MGAT5: variants seen among roughly 807,000 people sequenced by gnomAD.
MGAT5 encodes alpha-1,6-mannosylglycoprotein 6-beta-N-acetylglucosaminyltransferase.
MGAT5 carries 30 observed loss-of-function variants against 94.3 expected under a neutral mutation model. That is an observed-to-expected ratio of 0.32 (90% confidence interval 0.24 to 0.43). The LOEUF is 0.43. Among genes scored for constraint, MGAT5 ranks in the 20% least tolerant of loss-of-function variants. The probability of loss-of-function intolerance (pLI) is 1.00; values close to 1 mark genes in which losing one functional copy is unlikely to be tolerated. For synonymous variants in MGAT5, 310 were observed against 322.9 expected, an observed-to-expected ratio of 0.96 and a Z score of 0.43; for missense variants, 691 against 905.5, an observed-to-expected ratio of 0.76 and a Z score of 3.04.
At chr2:134,264,291 G>A (rs558686127) in intron 1 of MGAT5, among the ~76,000 whole-genome samples, 2 of 152,010 alleles carry the variant, frequency 1.3e-5, no homozygotes, top group Admixed American at 1.3e-4. Context: ...CAAAGTGCTG[G>A]GATTACAGGC....
intron 1 of MGAT5, among the ~76,000 whole-genome samples, chr2:134,132,836 C>T (rs1197864824): frequency 6.6e-6 from 1 of 152,232 alleles, no homozygotes; most frequent in Non-Finnish European, 1.5e-5. Flanking sequence ...GATGTGAAAA[C>T]TCACCCTTCT....
At chr2:134,446,132 G>A (rs552381306) in intron 15 of MGAT5, among the ~76,000 whole-genome samples, 2 of 152,172 alleles carry the variant, frequency 1.3e-5, no homozygotes, top group South Asian at 2.1e-4. Flanking sequence ...GCCTGGTGAA[G>A]CGTCTGCTGC....
chr2:134,405,155 C>A (rs1291762756), intron 11 of MGAT5, among the ~76,000 whole-genome samples: 1 of 152,202 alleles, frequency 6.6e-6, no homozygotes, highest in African/African-American at 2.4e-5. Context: ...TAGGCCAAAA[C>A]GGAGATCGCT....
intron 9 of MGAT5, among the ~76,000 whole-genome samples, chr2:134,352,200 A>G (rs550973814): frequency 6.6e-6 from 1 of 152,298 alleles, no homozygotes; most frequent in East Asian, 1.9e-4. Flanking sequence ...CCTCATATAT[A>G]TGAATCTATC....
chr2:134,120,786 G>A (rs1685535644), intron 1 of MGAT5, among the ~76,000 whole-genome samples: 1 of 151,950 alleles, frequency 6.6e-6, no homozygotes, highest in Non-Finnish European at 1.5e-5. Context: ...GGGCCAGTGG[G>A]GAGGAAGGAA....
intron 1 of MGAT5, among the ~76,000 whole-genome samples, chr2:134,246,030 T>C (rs1459376301): frequency 6.6e-6 from 1 of 152,148 alleles, no homozygotes; most frequent in African/African-American, 2.4e-5. Flanking sequence ...ACCCAGATAT[T>C]CAAAGAGTAT....
At chr2:134,277,414 GCACGTCTTA>G (rs1466618180) in intron 2 of MGAT5, among the ~76,000 whole-genome samples, 1 of 152,100 alleles carries the variant, frequency 6.6e-6, no homozygotes, top group African/African-American at 2.4e-5. Flanking sequence ...GGGAAGGAAG[GCACGTCTTA>G]CATGGCGACA....
At position 134,156,829 on chromosome 2, in the gene MGAT5, G is replaced by T. The variant is rs79859864; in HGVS notation, c.-143+36538G>T. ...CCCTGAGCAACTCCTCATCTCTCTTGTGTTATGGAGGGAGACGGTGGTGTG... is the reference window on the plus strand; with the variant it reads ...CCCTGAGCAACTCCTCATCTCTCTTTTGTTATGGAGGGAGACGGTGGTGTG... On this transcript the variant is annotated intron_variant, in intron 1 of 16. Transcript: ENST00000409645. Among the ~76,000 whole-genome samples, 61 of 152,278 alleles carry T rather than the reference G, an allele frequency of 4.0e-4. 1 individual carries two copies. In the East Asian group the frequency reaches 9.3e-3, roughly 23 times the overall value.
chr2:134,171,457 CT>C (rs1357015258), intron 1 of MGAT5, among the ~76,000 whole-genome samples: 4 of 152,182 alleles, frequency 2.6e-5, no homozygotes, highest in Non-Finnish European at 5.9e-5. Flanking sequence ...GAGGCTCTGT[CT>C]TTGCCAAGTG....
intron 10 of MGAT5, among the ~76,000 whole-genome samples, chr2:134,386,894 G>A (rs1297490501): frequency 6.6e-6 from 1 of 152,138 alleles, no homozygotes; most frequent in Non-Finnish European, 1.5e-5. Context: ...GGAAAAGTTG[G>A]AGTGAAGATT....
At chr2:134,224,253 G>C (rs12624285) in intron 1 of MGAT5, among the ~76,000 whole-genome samples, 1,552 of 152,264 alleles carry the variant, frequency 0.01, 21 homozygotes, top group East Asian at 0.033. Context: ...TGATCTGTGG[G>C]AAGTTTCCAG....
intron 11 of MGAT5, among the ~76,000 whole-genome samples, chr2:134,412,614 A>G (rs1253204273): frequency 6.6e-6 from 1 of 151,894 alleles, no homozygotes; most frequent in African/African-American, 2.4e-5. Context: ...TAGACACTTA[A>G]TTTTTTAGTT....
chr2:134,157,268 T>A (rs181516838), intron 1 of MGAT5, among the ~76,000 whole-genome samples: 43 of 152,298 alleles, frequency 2.8e-4, no homozygotes, highest in African/African-American at 8.9e-4. Flanking sequence ...TTGTAAGATG[T>A]TAACTTTAGG....
intron 10 of MGAT5, among the ~76,000 whole-genome samples, chr2:134,400,654 C>G (rs1682990245): frequency 6.6e-6 from 1 of 152,148 alleles, no homozygotes; most frequent in African/African-American, 2.4e-5. Flanking sequence ...TTCTCCAGGA[C>G]AGGAACCAAA....
chr2:134,439,811 C>T (rs1685380928), intron 14 of MGAT5, among the ~76,000 whole-genome samples: 1 of 152,218 alleles, frequency 6.6e-6, no homozygotes, highest in Non-Finnish European at 1.5e-5. Context: ...CACCCACCTC[C>T]ATGCCAAGGG....
chr2:134,369,727 T>TTTGTGTGTGTGTGTGTGTG (rs1553455659), intron 10 of MGAT5, among the ~76,000 whole-genome samples: 2 of 142,196 alleles, frequency 1.4e-5, no homozygotes, highest in African/African-American at 5.3e-5. Context: ...GGTTTTTACA[T>TTTGTGTGTGTGTGTGTGTG]TGTGTGTGTG....
rs1339526203 is a variant in MGAT5, at chr2:134,338,246, T to G, written c.646-13T>G. 6.4e-7 allele frequency: 1 copy of G among 1,570,882 alleles called. No individual in the cohort carries two copies. The highest frequency in any genetic ancestry group is 8.6e-7 in the Non-Finnish European group (1 of 1,157,918). ...TTTATCTTCTATTCATTTTATTAAATTTCTGTTGCTAGGCGGAAATTCGTA... is the reference window on the plus strand; with the variant it reads ...TTTATCTTCTATTCATTTTATTAAAGTTCTGTTGCTAGGCGGAAATTCGTA... On this transcript the variant is annotated splice_polypyrimidine_tract_variant and intron_variant, in intron 5 of 15. Coordinates refer to ENST00000281923, the MANE Select transcript of MGAT5 (RefSeq NM_002410.5).
At position 134,450,575 on chromosome 2, in the gene MGAT5, T is replaced by C. The variant is rs1309723704; in HGVS notation, c.*1728T>C. On this transcript the variant is annotated 3_prime_UTR_variant, in exon 16 of 16. Coordinates refer to ENST00000281923, the MANE Select transcript of MGAT5 (RefSeq NM_002410.5). ...GAGATCCCTGCTCAGTGCGTCTCAA[T>C]TGTATCTCCAGTCTAAGAGGAGGGT... The C allele has an allele frequency of 6.6e-6, 1 of 152,104 alleles. No individual in the cohort carries two copies. Among genetic ancestry groups the C allele is most frequent in the Admixed American group, 6.5e-5 (1 of 15,278 alleles). 9.4% of individuals were successfully genotyped at this position (152,104 alleles called of 1,614,324 possible).
At chr2:134,310,338 G>A (rs1441141647) in intron 2 of MGAT5, among the ~76,000 whole-genome samples, 1 of 152,218 alleles carries the variant, frequency 6.6e-6, no homozygotes, top group African/African-American at 2.4e-5. Flanking sequence ...TTTGCATATG[G>A]AAGGTGCTAG....
Sources: gnomAD v4.1 joint callset for allele counts (sites outside exome capture counted in the v4.1 genomes callset) on GRCh38, gnomAD v4.1.1 for gene constraint, MANE v1.5 for transcripts, NCBI Gene and HGNC (gene_info 2026-07-23, HGNC 2026-07-21) for gene names.